The following SPP1 variants were observed in gnomAD, a reference collection of about 807,000 sequenced individuals.
The protein encoded by SPP1 is secreted phosphoprotein 1.
A neutral mutation model predicts 20.8 loss-of-function variants in SPP1; 18 were observed. The observed-to-expected ratio is 0.87, with a 90% CI of 0.60 to 1.29. The LOEUF (loss-of-function observed/expected upper bound fraction) is 1.29. Among genes scored for constraint, SPP1 ranks in the 50% most tolerant of loss-of-function variants. The probability of loss-of-function intolerance (pLI) is 0.00; values close to 1 mark genes in which losing one functional copy is unlikely to be tolerated. For synonymous variants in SPP1, 146 were observed against 141.5 expected (o/e 1.03, Z -0.23); for missense variants, 363 against 389.0 (o/e 0.93, Z 0.56).
intron 3 of SPP1, 57 bp downstream of exon 3, chr4:87,977,154 G>A (rs756940509): frequency 1.1e-4 from 176 of 1,542,758 alleles, no homozygotes; most frequent in Non-Finnish European, 1.5e-4. Context: ...ATGGCGAGAG[G>A]TGCAAGAAAC....
intron 3 of SPP1, among the ~76,000 whole-genome samples, chr4:87,979,486 T>C (rs914493389): frequency 6.6e-6 from 1 of 152,108 alleles, no homozygotes; most frequent in Non-Finnish European, 1.5e-5. Context: ...TCATTTTAAT[T>C]AACTTAAATT....
At chr4:87,977,187 T>C (rs1228806499) in intron 3 of SPP1, 90 bp downstream of exon 3, 1 of 1,281,138 alleles carries the variant, frequency 7.8e-7, no homozygotes, top group Non-Finnish European at 1.1e-6. Context: ...ATATTACTTA[T>C]CTTCTCAGTC....
chr4:87,980,096 A>G lies in SPP1; in HGVS notation c.144A>G (p.Pro48=), dbSNP rs754853525. The G allele has an allele frequency of 8.1e-6, 13 of 1,614,198 alleles. No individual in the cohort carries two copies. The highest frequency in any genetic ancestry group is 1.0e-5 in the Non-Finnish European group (12 of 1,180,038). The change falls in exon 4 of 7, where the codon CCA becomes CCG. Residue 48 remains proline (P), a synonymous_variant. Transcript: ENST00000395080. ...TGGCCACATGGCTAAACCCTGACCCATCTCAGAAGCAGAATCTCCTAGCCC... is the reference window on the plus strand; with the variant it reads ...TGGCCACATGGCTAAACCCTGACCCGTCTCAGAAGCAGAATCTCCTAGCCC... ...DAVATWLNPD[P]SQKQNLLAPQ...
In SPP1 at chr4:87,977,115, T is replaced by C. The variant is rs529581230; in HGVS notation, c.93+18T>C. ...AAAAGCAGGTAAGCATCTTTTATGT[T>C]TTTATATAGTTAAATCATTTACTCA... is the stretch of plus-strand genomic sequence containing the variant. On this transcript the variant is annotated intron_variant, in intron 3 of 6. Coordinates refer to ENST00000395080, the MANE Select transcript of SPP1 (RefSeq NM_001040058.2). 6.2e-7 allele frequency: 1 copy of C among 1,610,518 alleles called. No individual in the cohort carries two copies. Among genetic ancestry groups the C allele is most frequent in the East Asian group, 2.2e-5 (1 of 44,862 alleles).
intron 6 of SPP1, 94 bp downstream of exon 6, chr4:87,981,892 AT>A: frequency 4.7e-6 from 5 of 1,058,614 alleles, no homozygotes; most frequent in South Asian, 1.6e-5. Context: ...TCATCCATTC[AT>A]TCATCCATTC....
chr4:87,980,169 T>G (rs746605215), intron 4 of SPP1, 43 bp downstream of exon 4: 2 of 1,607,676 alleles, frequency 1.2e-6, no homozygotes, highest in East Asian at 4.5e-5. Flanking sequence ...TGATGAAAGA[T>G]AGCCACACTC....
At chr4:87,978,133 G>A (rs1022156508) in intron 3 of SPP1, 1 of 155,822 alleles carries the variant, frequency 6.4e-6, no homozygotes, top group Non-Finnish European at 1.4e-5. Flanking sequence ...GTAAAAAATT[G>A]GGGAAGTCTC....
chr4:87,976,268 A>G (rs922813865), intron 1 of SPP1, among the ~76,000 whole-genome samples: 1 of 152,254 alleles, frequency 6.6e-6, no homozygotes, highest in Non-Finnish European at 1.5e-5. Context: ...ATTCACCAAG[A>G]TACCTGTATG....
intron 1 of SPP1, among the ~76,000 whole-genome samples, chr4:87,976,049 C>T (rs573888830): frequency 1.7e-4 from 26 of 152,222 alleles, no homozygotes; most frequent in African/African-American, 6.3e-4. Flanking sequence ...ACCACCGATG[C>T]TAATCAGAAA....
intron 6 of SPP1, among the ~76,000 whole-genome samples, chr4:87,982,032 C>A: frequency 6.6e-6 from 1 of 151,810 alleles, no homozygotes; most frequent in South Asian, 2.1e-4. Flanking sequence ...TTTTTGAAAT[C>A]CTGGATCACT....
chr4:87,977,100 A>G lies in SPP1; in HGVS notation c.93+3A>G. 6.2e-7 allele frequency: 1 copy of G among 1,613,202 alleles called. No homozygotes were observed. On this transcript the variant is annotated splice_donor_region_variant and intron_variant, in intron 3 of 6. Coordinates refer to ENST00000395080, the MANE Select transcript of SPP1 (RefSeq NM_001040058.2). ...CTGGAAGTTCTGAGGAAAAGCAGGTAAGCATCTTTTATGTTTTTATATAGT... is the reference window on the plus strand; with the variant it reads ...CTGGAAGTTCTGAGGAAAAGCAGGTGAGCATCTTTTATGTTTTTATATAGT...
Position 87,980,452 on chromosome 4 carries a change from A to G in SPP1, c.216+18A>G, listed in dbSNP as rs1260776558. 2 of 1,613,570 alleles carry G rather than the reference A, an allele frequency of 1.2e-6. No individual in the cohort carries two copies. Among genetic ancestry groups the G allele is most frequent in the South Asian group, 1.1e-5 (1 of 90,918 alleles). On this transcript the variant is annotated intron_variant, in intron 5 of 6. Transcript: ENST00000395080. ...AACAAGAGGTAAGTTCTCATTTTCA[A>G]TCAGAGGCCCATCATGCCTTGAAGA...
rs1255195220 is a variant in SPP1 at position 87,980,090 on chromosome 4, T to G, written c.138T>G (p.Pro46=). 2 of 1,614,098 alleles carry G rather than the reference T, an allele frequency of 1.2e-6. No individual in the cohort carries two copies. The highest frequency in any genetic ancestry group is 1.7e-6 in the Non-Finnish European group (2 of 1,180,044). Reference sequence around the variant, plus strand: ...ATGCTGTGGCCACATGGCTAAACCCTGACCCATCTCAGAAGCAGAATCTCC... The same window carrying G: ...ATGCTGTGGCCACATGGCTAAACCCGGACCCATCTCAGAAGCAGAATCTCC... The part of the protein sequence containing the change: ...YPDAVATWLN[P]DPSQKQNLLA... Residue 46 remains proline, a synonymous_variant, in exon 4 of 7, where the codon CCT becomes CCG. Coordinates refer to ENST00000395080, the MANE Select transcript of SPP1 (RefSeq NM_001040058.2).
rs376265067 is a variant in SPP1, at chr4:87,982,762, C to T, written c.811C>T (p.Arg271Cys). ...IDSQELSKVSREFHSHEFHSH... is the reference protein window; with the variant it reads ...IDSQELSKVSCEFHSHEFHSH... ...TAGTCAGGAACTTTCCAAAGTCAGC[C>T]GTGAATTCCACAGCCATGAATTTCA... is the stretch of plus-strand genomic sequence containing the variant. The change falls in exon 7 of 7, where the codon CGT becomes TGT. Residue 271 changes from arginine to cysteine, a missense_variant. Coordinates refer to ENST00000395080, the MANE Select transcript of SPP1 (RefSeq NM_001040058.2). 86 of 1,613,950 alleles carry T rather than the reference C, an allele frequency of 5.3e-5. No individual in the cohort carries two copies. Among genetic ancestry groups the T allele is most frequent in the Middle Eastern group, 1.6e-4 (1 of 6,084 alleles).
In SPP1 at chr4:87,982,687, T is replaced by TA. The variant is rs753459434; in HGVS notation, c.737dup (p.Tyr246Ter). ...ETHSHKQSRL[Y>*]KRKANDESNE... is the part of the protein sequence containing the mutation. ...CCACAGCCACAAGCAGTCCAGATTATATAAGCGGAAAGCCAATGATGAGAG... is the reference window on the plus strand; with the variant it reads ...CCACAGCCACAAGCAGTCCAGATTATAATAAGCGGAAAGCCAATGATGAGAG... Residue 246 changes from tyrosine to a stop codon, truncating the protein, a stop_gained and frameshift_variant, in exon 7 of 7, where the codon TAT (tyrosine) becomes TAAT (stop). Coordinates refer to ENST00000395080, the MANE Select transcript of SPP1 (RefSeq NM_001040058.2). LOFTEE classifies it low-confidence loss of function (END_TRUNC). 6.2e-7 allele frequency: 1 copy of TA among 1,613,974 alleles called. No homozygotes were observed. The highest frequency in any genetic ancestry group is 1.3e-5 in the African/African-American group (1 of 74,878).
chr4:87,981,492 C>T lies in SPP1; in HGVS notation c.234C>T (p.Ser78=). The change falls in exon 6 of 7, where the codon TCC becomes TCT. Residue 78 remains serine (S), a synonymous_variant. Coordinates refer to ENST00000395080, the MANE Select transcript of SPP1 (RefSeq NM_001040058.2). ...ATTTTCAGACCCTTCCAAGTAAGTC[C>T]AACGAAAGCCATGACCACATGGATG... The part of the protein sequence containing the change: ...DFKQETLPSK[S]NESHDHMDDM... 6.2e-7 allele frequency: 1 copy of T among 1,613,836 alleles called. No homozygotes were observed. The highest frequency in any genetic ancestry group is 8.5e-7 in the Non-Finnish European group (1 of 1,179,888).
Position 87,976,953 on chromosome 4 carries a change from A to C in SPP1, c.54+4A>C. On this transcript the variant is annotated splice_donor_region_variant and intron_variant, in intron 2 of 6. Coordinates refer to ENST00000395080, the MANE Select transcript of SPP1 (RefSeq NM_001040058.2). Reference sequence around the variant, plus strand: ...AGGCATCACCTGTGCCATACCAGTGAGTACAGTTGCATCTTAAAGAAAATT... The same window carrying C: ...AGGCATCACCTGTGCCATACCAGTGCGTACAGTTGCATCTTAAAGAAAATT... 3.1e-6 allele frequency: 5 copies of C among 1,613,640 alleles called. No homozygotes were observed. Among genetic ancestry groups the C allele is most frequent in the Non-Finnish European group, 4.2e-6 (5 of 1,179,532 alleles).
At chr4:87,978,900 G>A (rs565804171) in intron 3 of SPP1, among the ~76,000 whole-genome samples, 1 of 152,166 alleles carries the variant, frequency 6.6e-6, no homozygotes, top group African/African-American at 2.4e-5. Flanking sequence ...GTAATGATTG[G>A]CCCTGGATGA....
At position 87,980,435 on chromosome 4, in the gene SPP1, G is replaced by T; in HGVS notation, c.216+1G>T. 6.2e-7 allele frequency: 1 copy of T among 1,613,974 alleles called. No homozygotes were observed. Among genetic ancestry groups the T allele is most frequent in the Non-Finnish European group, 8.5e-7 (1 of 1,179,962 alleles). Reference sequence around the variant, plus strand: ...AGAAACCAATGACTTTAAACAAGAGGTAAGTTCTCATTTTCAATCAGAGGC... The same window carrying T: ...AGAAACCAATGACTTTAAACAAGAGTTAAGTTCTCATTTTCAATCAGAGGC... On this transcript the variant is annotated splice_donor_variant, in intron 5 of 6. Transcript: ENST00000395080. LOFTEE classifies it high-confidence loss of function.
Sources: gnomAD v4.1 joint callset for allele counts (sites outside exome capture counted in the v4.1 genomes callset) on GRCh38, gnomAD v4.1.1 for gene constraint, MANE v1.5 for transcripts, NCBI Gene and HGNC (gene_info 2026-07-23, HGNC 2026-07-21) for gene names.